Variants in RNU6-1 observed in about 807,000 individuals in gnomAD.
RNU6-1 encodes the protein RNA, U6 small nuclear 1.
exon 1 of RNU6-1, chr15:67,840,011 T>TC (rs1386820368): frequency 6.6e-6 from 1 of 152,502 alleles, no homozygotes; most frequent in Non-Finnish European, 1.5e-5. Flanking sequence ...TCTGTATCGT[T>TC]CCAATTTTAG....
exon 1 of RNU6-1, chr15:67,840,032 G>C (rs934347145): frequency 2.0e-5 from 3 of 152,562 alleles, no homozygotes; most frequent in Non-Finnish European, 4.4e-5. Context: ...TATATGTGCT[G>C]CCGAAGCGAG....
chr15:67,839,945 A>G (rs540624049), exon 1 of RNU6-1: 12 of 152,382 alleles, frequency 7.9e-5, no homozygotes, highest in South Asian at 4.1e-4. Flanking sequence ...ATGTAAAAAT[A>G]TGGAACGCTT....
exon 1 of RNU6-1, chr15:67,839,985 G>A (rs769019480): frequency 3.3e-5 from 5 of 152,256 alleles, no homozygotes; most frequent in Admixed American, 6.5e-5. Flanking sequence ...CTTGCGCAGG[G>A]GCCATGCTAA....
exon 1 of RNU6-1, chr15:67,839,991 G>GA (rs1429910039): frequency 6.6e-5 from 10 of 152,390 alleles, no homozygotes; most frequent in East Asian, 5.8e-4. Context: ...CAGGGGCCAT[G>GA]CTAATCTTCT....
chr15:67,839,988 C>CA (rs1422350094), exon 1 of RNU6-1: 5 of 152,358 alleles, frequency 3.3e-5, no homozygotes, highest in African/African-American at 4.8e-5. Flanking sequence ...GCGCAGGGGC[C>CA]ATGCTAATCT....
At chr15:67,840,043 C>T (rs1043065422) in exon 1 of RNU6-1, 15 of 152,594 alleles carry the variant, frequency 9.8e-5, no homozygotes, top group Admixed American at 7.2e-4. Flanking sequence ...CCGAAGCGAG[C>T]ACGGTGTTTC....
At chr15:67,839,990 T>C (rs2091062377) in exon 1 of RNU6-1, 1 of 152,404 alleles carries the variant, frequency 6.6e-6, no homozygotes, top group South Asian at 2.1e-4. Context: ...GCAGGGGCCA[T>C]GCTAATCTTC....
chr15:67,839,997 C>CATT (rs2091062584), exon 1 of RNU6-1: 1 of 152,428 alleles, frequency 6.6e-6, no homozygotes, highest in African/African-American at 2.4e-5. Context: ...CCATGCTAAT[C>CATT]TTCTCTGTAT....
At chr15:67,840,023 A>T (rs1383030011) in exon 1 of RNU6-1, 1 of 152,546 alleles carries the variant, frequency 6.6e-6, no homozygotes, top group Non-Finnish European at 1.5e-5. Context: ...CAATTTTAGT[A>T]TATGTGCTGC....
chr15:67,839,962 T>C (rs2091061900), exon 1 of RNU6-1: 1 of 152,356 alleles, frequency 6.6e-6, no homozygotes, highest in South Asian at 2.1e-4. Context: ...GCTTCACGAA[T>C]TTGCGTGTCA....
chr15:67,839,986 G>C (rs1019455948), exon 1 of RNU6-1: 2 of 152,346 alleles, frequency 1.3e-5, no homozygotes, highest in African/African-American at 4.8e-5. Context: ...TTGCGCAGGG[G>C]CCATGCTAAT....
chr15:67,839,970 T>TA (rs1250063786), exon 1 of RNU6-1: 1 of 152,404 alleles, frequency 6.6e-6, no homozygotes, highest in East Asian at 1.9e-4. Flanking sequence ...AATTTGCGTG[T>TA]CATCCTTGCG....
chr15:67,839,992 C>CTAATCTT (rs1555409913), exon 1 of RNU6-1: 1 of 152,366 alleles, frequency 6.6e-6, no homozygotes, highest in Non-Finnish European at 1.5e-5. Context: ...AGGGGCCATG[C>CTAATCTT]TAATCTTCTC....
At chr15:67,839,944 T>G (rs145594770) in exon 1 of RNU6-1, 1 of 150,194 alleles carries the variant, frequency 6.7e-6, no homozygotes, top group Non-Finnish European at 1.5e-5. Context: ...GATGTAAAAA[T>G]ATGGAACGCT....
At chr15:67,840,006 A>G (rs2091062721) in exon 1 of RNU6-1, 1 of 152,480 alleles carries the variant, frequency 6.6e-6, no homozygotes, top group Admixed American at 6.5e-5. Flanking sequence ...TCTTCTCTGT[A>G]TCGTTCCAAT....
exon 1 of RNU6-1, chr15:67,839,984 G>A (rs1264245858): frequency 6.6e-6 from 1 of 152,266 alleles, no homozygotes; most frequent in African/African-American, 2.4e-5. Flanking sequence ...CCTTGCGCAG[G>A]GGCCATGCTA....
exon 1 of RNU6-1, chr15:67,839,948 G>A (rs533428529): frequency 5.3e-5 from 8 of 150,352 alleles, no homozygotes; most frequent in Admixed American, 3.3e-4. Flanking sequence ...TAAAAATATG[G>A]AACGCTTCAC....
exon 1 of RNU6-1, chr15:67,840,025 A>C (rs1338608323): frequency 6.6e-6 from 1 of 152,568 alleles, no homozygotes; most frequent in African/African-American, 2.4e-5. Flanking sequence ...ATTTTAGTAT[A>C]TGTGCTGCCG....
chr15:67,839,947 G>C (rs940818350), exon 1 of RNU6-1: 1 of 150,338 alleles, frequency 6.7e-6, no homozygotes, highest in Non-Finnish European at 1.5e-5. Context: ...GTAAAAATAT[G>C]GAACGCTTCA....
Sources: gnomAD v4.1 joint callset for allele counts on GRCh38, gnomAD v4.1.1 for gene constraint, MANE v1.5 for transcripts, NCBI Gene and HGNC (gene_info 2026-07-23, HGNC 2026-07-21) for gene names.